IL15: variants seen among roughly 807,000 people sequenced by gnomAD.
IL15 encodes the protein interleukin-15.
IL15 carries 11 observed loss-of-function variants against 19.6 expected under a neutral mutation model. The observed-to-expected ratio is 0.56, with a 90% CI of 0.35 to 0.93. IL15 has a LOEUF of 0.93. IL15 is among the 40% of genes least tolerant of loss of function. The pLI is 0.01. For missense variants in IL15, 197 were observed against 186.5 expected (o/e 1.06, Z -0.33); for synonymous variants, 58 against 59.6 (o/e 0.97, Z 0.12).
intron 5 of IL15, among the ~76,000 whole-genome samples, chr4:141,723,690 C>A (rs1443364292): frequency 6.6e-6 from 1 of 152,108 alleles, no homozygotes; most frequent in Non-Finnish European, 1.5e-5. Flanking sequence ...ATATTAACAT[C>A]AAAGTTAATG....
chr4:141,639,482 T>A (rs1726972511), intron 1 of IL15, among the ~76,000 whole-genome samples: 1 of 152,186 alleles, frequency 6.6e-6, no homozygotes, highest in Admixed American at 6.5e-5. Flanking sequence ...ATTTGTCTAA[T>A]CTGCATCACT....
intron 5 of IL15, among the ~76,000 whole-genome samples, chr4:141,725,207 G>T (rs1730217923): frequency 6.6e-6 from 1 of 152,074 alleles, no homozygotes; most frequent in African/African-American, 2.4e-5. Flanking sequence ...ATGTAGAAAA[G>T]GTATCTGATA....
intron 3 of IL15, 121 bp from the exon 4 acceptor site, chr4:141,720,348 C>G (rs1730030968): frequency 8.2e-6 from 5 of 606,076 alleles, no homozygotes; most frequent in Non-Finnish European, 1.5e-5. Context: ...TGATAAGGGG[C>G]ATTAATTATG....
chr4:141,689,306 C>T (rs1168399527), intron 2 of IL15, among the ~76,000 whole-genome samples: 1 of 152,166 alleles, frequency 6.6e-6, no homozygotes, highest in African/African-American at 2.4e-5. Flanking sequence ...GCCCCACCCA[C>T]ATCCTGCTGA....
At chr4:141,723,481 G>A (rs1730160066) in intron 5 of IL15, among the ~76,000 whole-genome samples, 9 of 152,098 alleles carry the variant, frequency 5.9e-5, no homozygotes, top group Admixed American at 5.9e-4. Flanking sequence ...AGAACCTTGG[G>A]GAAGTCAAGA....
At chr4:141,670,837 G>A (rs898130003) in intron 2 of IL15, among the ~76,000 whole-genome samples, 1 of 152,088 alleles carries the variant, frequency 6.6e-6, no homozygotes, top group African/African-American at 2.4e-5. Flanking sequence ...TTGGCAAATT[G>A]GAGCTTACAT....
At chr4:141,657,734 C>A (rs1347965055) in intron 2 of IL15, among the ~76,000 whole-genome samples, 2 of 152,172 alleles carry the variant, frequency 1.3e-5, no homozygotes, top group Non-Finnish European at 2.9e-5. Context: ...GGGGCAGTAA[C>A]ACACATGGAG....
chr4:141,676,885 T>G (rs773578554), intron 2 of IL15, among the ~76,000 whole-genome samples: 1 of 151,958 alleles, frequency 6.6e-6, no homozygotes, highest in Admixed American at 6.6e-5. Context: ...TTAATGGAGA[T>G]GAATGCTTTT....
chr4:141,709,049 GA>G (rs1729620683), intron 2 of IL15, among the ~76,000 whole-genome samples: 2 of 93,418 alleles, frequency 2.1e-5, no homozygotes, highest in South Asian at 6.8e-4. Flanking sequence ...ATTCAATATT[GA>G]AAATTTTCAA....
intron 2 of IL15, chr4:141,716,532 A>G (rs1216053623): frequency 6.6e-6 from 1 of 152,496 alleles, no homozygotes. Context: ...GGCTTCCTCC[A>G]CTTTGATTTC....
chr4:141,656,350 T>C, intron 2 of IL15, 43 bp downstream of exon 2: 1 of 397,564 alleles, frequency 2.5e-6, no homozygotes. Context: ...TACAGATACT[T>C]TTATATAATA....
At chr4:141,658,820 C>T (rs1173416163) in intron 2 of IL15, among the ~76,000 whole-genome samples, 1 of 151,600 alleles carries the variant, frequency 6.6e-6, no homozygotes, top group Non-Finnish European at 1.5e-5. Flanking sequence ...GAAACTTACC[C>T]CTTAACTTCA....
At chr4:141,677,584 C>T (rs1168088897) in intron 2 of IL15, among the ~76,000 whole-genome samples, 2 of 152,076 alleles carry the variant, frequency 1.3e-5, no homozygotes, top group Non-Finnish European at 2.9e-5. Context: ...GAGTGAGGTA[C>T]CAGTTTTCTT....
intron 2 of IL15, among the ~76,000 whole-genome samples, chr4:141,683,809 G>A (rs919780579): frequency 6.6e-6 from 1 of 152,174 alleles, no homozygotes; most frequent in Non-Finnish European, 1.5e-5. Context: ...TTAGGTCGGG[G>A]AGAGAGCAGT....
chr4:141,646,063 G>A (rs1485945435), intron 1 of IL15, among the ~76,000 whole-genome samples: 3 of 152,044 alleles, frequency 2.0e-5, no homozygotes, highest in Non-Finnish European at 2.9e-5. Flanking sequence ...AAGGGGAGAC[G>A]ACATAGATTC....
At chr4:141,663,986 C>A (rs956889067) in intron 2 of IL15, among the ~76,000 whole-genome samples, 8 of 152,108 alleles carry the variant, frequency 5.3e-5, no homozygotes, top group Non-Finnish European at 1.5e-5. Flanking sequence ...CAGAAACACA[C>A]AGCACACAAA....
intron 2 of IL15, among the ~76,000 whole-genome samples, chr4:141,658,088 A>G (rs1727667905): frequency 6.6e-6 from 1 of 152,032 alleles, no homozygotes; most frequent in African/African-American, 2.4e-5. Flanking sequence ...GCCTGGTGGG[A>G]GGTAATCAGA....
intron 1 of IL15, among the ~76,000 whole-genome samples, chr4:141,649,072 C>T (rs1033730191): frequency 1.3e-5 from 2 of 152,074 alleles, no homozygotes; most frequent in Non-Finnish European, 2.9e-5. Context: ...CCCCTAAACA[C>T]AACACACTTC....
chr4:141,703,843 T>G (rs1158646049), intron 2 of IL15, among the ~76,000 whole-genome samples: 5 of 152,114 alleles, frequency 3.3e-5, no homozygotes, highest in African/African-American at 1.2e-4. Context: ...ATAGGATCCC[T>G]TTTTGATTTC....
Sources: gnomAD v4.1 joint callset for allele counts (sites outside exome capture counted in the v4.1 genomes callset) on GRCh38, gnomAD v4.1.1 for gene constraint, MANE v1.5 for transcripts, NCBI Gene and HGNC (gene_info 2026-07-23, HGNC 2026-07-21) for gene names.